The following CDH12 variants were observed in gnomAD, a reference collection of about 807,000 sequenced individuals.
CDH12 encodes the protein cadherin-12.
In CDH12, 41 loss-of-function variants were observed where a neutral mutation model predicts 74.1. The observed-to-expected ratio is 0.55, with a 90% CI of 0.43 to 0.72. CDH12 has a LOEUF of 0.72. Among genes scored for constraint, CDH12 ranks in the 30% least tolerant of loss-of-function variants. The pLI, the probability that CDH12 is intolerant of heterozygous loss-of-function variation, is 0.00. For synonymous variants in CDH12, 399 were observed against 355.0 expected (o/e 1.12, Z -1.39); for missense variants, 945 against 977.2 (o/e 0.97, Z 0.44).
At chr5:22,117,476 T>C (rs1201358285) in intron 4 of CDH12, among the ~76,000 whole-genome samples, 1 of 67,072 alleles carries the variant, frequency 1.5e-5, no homozygotes, top group East Asian at 5.0e-4. Context: ...ATAATATATA[T>C]ATTATATATA....
intron 6 of CDH12, among the ~76,000 whole-genome samples, chr5:21,934,298 G>A (rs1413905946): frequency 1.3e-5 from 2 of 152,128 alleles, no homozygotes; most frequent in Non-Finnish European, 2.9e-5. Flanking sequence ...TGTATCCTGA[G>A]TGAGTTCTCA....
chr5:22,681,226 GGGGTGT>G (rs1445555100), intron 1 of CDH12, among the ~76,000 whole-genome samples: 62 of 38,300 alleles, frequency 1.6e-3, no homozygotes, highest in East Asian at 7.4e-3. Context: ...TGGGTATTGG[GGGGTGT>G]GTGTGTGTGT....
chr5:21,800,857 C>T (rs532561035), intron 10 of CDH12, among the ~76,000 whole-genome samples: 2 of 152,274 alleles, frequency 1.3e-5, no homozygotes, highest in South Asian at 2.1e-4. Flanking sequence ...CTCCTTCACA[C>T]GTTGTGTCTT....
At chr5:22,306,320 C>T (rs1198848131) in intron 3 of CDH12, among the ~76,000 whole-genome samples, 1 of 150,626 alleles carries the variant, frequency 6.6e-6, no homozygotes, top group East Asian at 1.9e-4. Flanking sequence ...ATATGCTTTG[C>T]CTTGTGGTAT....
intron 3 of CDH12, among the ~76,000 whole-genome samples, chr5:22,338,719 A>T (rs1739708710): frequency 6.6e-6 from 1 of 152,320 alleles, no homozygotes; most frequent in East Asian, 1.9e-4. Context: ...AAAATTTTTA[A>T]AATTTAAACC....
intron 1 of CDH12, among the ~76,000 whole-genome samples, chr5:22,792,892 G>T (rs1056498864): frequency 6.6e-6 from 1 of 152,156 alleles, no homozygotes; most frequent in African/African-American, 2.4e-5. Context: ...TTTAGATAAA[G>T]GAAATAATGT....
intron 2 of CDH12, among the ~76,000 whole-genome samples, chr5:22,453,442 G>T (rs1276891034): frequency 1.3e-5 from 2 of 152,120 alleles, no homozygotes; most frequent in Non-Finnish European, 2.9e-5. Context: ...TGTCAACATA[G>T]ATGAATGTAG....
intron 4 of CDH12, among the ~76,000 whole-genome samples, chr5:22,080,696 T>C (rs1341745122): frequency 1.3e-5 from 2 of 152,194 alleles, no homozygotes; most frequent in Non-Finnish European, 2.9e-5. Context: ...AGGTATCTTT[T>C]TTTTTATCAC....
chr5:22,585,202 T>C (rs1245547250), intron 1 of CDH12, among the ~76,000 whole-genome samples: 4 of 152,226 alleles, frequency 2.6e-5, no homozygotes, highest in African/African-American at 9.6e-5. Flanking sequence ...GAATATTTTC[T>C]TCCAGCACCC....
chr5:22,623,506 C>T (rs1051977765), intron 1 of CDH12, among the ~76,000 whole-genome samples: 54 of 152,242 alleles, frequency 3.5e-4, no homozygotes, highest in African/African-American at 1.3e-3. Context: ...CACAAGCATT[C>T]CTATACACCA....
chr5:21,861,649 TTTTG>T (rs1751050717), intron 6 of CDH12, among the ~76,000 whole-genome samples: 1 of 152,124 alleles, frequency 6.6e-6, no homozygotes, highest in South Asian at 2.1e-4. Flanking sequence ...GTTAAGAGGA[TTTTG>T]TTTATTTCCT....
At chr5:22,735,720 G>C (rs1352749048) in intron 1 of CDH12, among the ~76,000 whole-genome samples, 1 of 151,814 alleles carries the variant, frequency 6.6e-6, no homozygotes, top group African/African-American at 2.4e-5. Context: ...ATAGGGTAAA[G>C]TTAAGTGATT....
At chr5:22,313,278 GA>G (rs1365758254) in intron 3 of CDH12, among the ~76,000 whole-genome samples, 2 of 152,084 alleles carry the variant, frequency 1.3e-5, no homozygotes, top group African/African-American at 4.8e-5. Context: ...TAGACTTTGA[GA>G]AGAGAGAAAG....
intron 1 of CDH12, among the ~76,000 whole-genome samples, chr5:22,518,817 G>A (rs1736918484): frequency 6.6e-6 from 1 of 152,060 alleles, no homozygotes; most frequent in Non-Finnish European, 1.5e-5. Context: ...CTAAGCTGTG[G>A]GTAGTGTGTA....
intron 1 of CDH12, among the ~76,000 whole-genome samples, chr5:22,711,660 A>G (rs1274226588): frequency 6.6e-6 from 1 of 152,132 alleles, no homozygotes; most frequent in Non-Finnish European, 1.5e-5. Flanking sequence ...AGGATTTACC[A>G]TATACATATT....
chr5:21,986,568 A>T (rs1757524087), intron 5 of CDH12, among the ~76,000 whole-genome samples: 1 of 152,192 alleles, frequency 6.6e-6, no homozygotes, highest in Admixed American at 6.5e-5. Context: ...AACATATTTC[A>T]CAAGCTGGGT....
chr5:22,715,910 G>A (rs1743550953), intron 1 of CDH12, among the ~76,000 whole-genome samples: 1 of 152,030 alleles, frequency 6.6e-6, no homozygotes, highest in Non-Finnish European at 1.5e-5. Flanking sequence ...GCCTTGGTGT[G>A]CGGATCACTT....
chr5:22,783,080 A>G (rs996835645), intron 1 of CDH12, among the ~76,000 whole-genome samples: 2 of 152,172 alleles, frequency 1.3e-5, no homozygotes, highest in African/African-American at 4.8e-5. Flanking sequence ...TTCATAATAC[A>G]ATGCAAAGAA....
At chr5:22,136,542 T>A (rs1395099591) in intron 4 of CDH12, among the ~76,000 whole-genome samples, 1 of 151,586 alleles carries the variant, frequency 6.6e-6, no homozygotes, top group African/African-American at 2.4e-5. Flanking sequence ...AATACCATTA[T>A]GAAGAAGAAC....
Sources: gnomAD v4.1 joint callset for allele counts (sites outside exome capture counted in the v4.1 genomes callset) on GRCh38, gnomAD v4.1.1 for gene constraint, MANE v1.5 for transcripts, NCBI Gene and HGNC (gene_info 2026-07-23, HGNC 2026-07-21) for gene names.